RASGRP3: variants seen among roughly 807,000 people sequenced by gnomAD.
The protein encoded by RASGRP3 is ras guanyl-releasing protein 3.
Under a neutral mutation model 82.7 loss-of-function variants are expected in RASGRP3, and 54 were observed. The observed-to-expected ratio is 0.65, with a 90% CI of 0.52 to 0.82. RASGRP3 has a LOEUF of 0.82. Among genes scored for constraint, RASGRP3 ranks in the 40% least tolerant of loss-of-function variants. The probability of loss-of-function intolerance (pLI) is 0.00; values close to 1 mark genes in which losing one functional copy is unlikely to be tolerated. For synonymous variants in RASGRP3, 309 were observed against 300.5 expected (o/e 1.03, Z -0.29); for missense variants, 861 against 828.9 (o/e 1.04, Z -0.48).
intron 2 of RASGRP3, among the ~76,000 whole-genome samples, chr2:33,450,802 CTTTTTCTCTTTCTTTCTTTCTTTTTT>C (rs1665743473): frequency 1.7e-5 from 1 of 58,782 alleles, no homozygotes; most frequent in Non-Finnish European, 4.0e-5. Flanking sequence ...TCTTTTCTTT[CTTTTTCTCTTTCTTTCTTTCTTTTTT>C]TTTTTTTTTT....
intron 1 of RASGRP3, among the ~76,000 whole-genome samples, chr2:33,446,137 T>C (rs1001173568): frequency 1.2e-4 from 18 of 152,112 alleles, no homozygotes; most frequent in African/African-American, 4.1e-4. Context: ...GGTTCCCAAA[T>C]AGGGTAATTT....
chr2:33,477,868 G>T (rs1667522041), intron 1 of RASGRP3, among the ~76,000 whole-genome samples: 1 of 152,190 alleles, frequency 6.6e-6, no homozygotes, highest in Non-Finnish European at 1.5e-5. Flanking sequence ...GCAGAGAGGG[G>T]CTGTTTTTAT....
chr2:33,526,408 C>T (rs2151034308), intron 9 of RASGRP3, among the ~76,000 whole-genome samples: 1 of 152,300 alleles, frequency 6.6e-6, no homozygotes, highest in Non-Finnish European at 1.5e-5. Context: ...CGTTGTTTGA[C>T]CTCAAGCTCT....
upstream of RASGRP3, chr2:33,476,343 C>T (rs11124321): frequency 0.41 from 61,592 of 152,050 alleles, 12,803 homozygotes; most frequent in Admixed American, 0.49. Context: ...TCCCCCTCTG[C>T]GCACACACAC....
chr2:33,461,245 C>T (rs914876834), intron 2 of RASGRP3, among the ~76,000 whole-genome samples: 3 of 152,112 alleles, frequency 2.0e-5, no homozygotes, highest in African/African-American at 7.2e-5. Context: ...TAAATTAAAA[C>T]GTTAGGGAAA....
chr2:33,520,202 C>CAAGT (rs1671892080), intron 5 of RASGRP3, among the ~76,000 whole-genome samples, 188 bp downstream of exon 5: 1 of 152,104 alleles, frequency 6.6e-6, no homozygotes, highest in South Asian at 2.1e-4. Context: ...GACTAGAGAT[C>CAAGT]AAGTAGTAGT....
chr2:33,491,612 T>C (rs1021134332), intron 1 of RASGRP3, among the ~76,000 whole-genome samples: 6 of 152,226 alleles, frequency 3.9e-5, no homozygotes, highest in Non-Finnish European at 5.9e-5. Flanking sequence ...GCATGTATTA[T>C]CAGTTTCCTT....
At chr2:33,537,330 C>CCCCAACA (rs66749495) in intron 11 of RASGRP3, among the ~76,000 whole-genome samples, 16 of 95,712 alleles carry the variant, frequency 1.7e-4, no homozygotes, top group African/African-American at 7.3e-4. Flanking sequence ...ACCGCCCCCC[C>CCCCAACA]CACACACACA....
intron 2 of RASGRP3, among the ~76,000 whole-genome samples, chr2:33,514,606 A>G (rs1427880818): frequency 6.6e-6 from 1 of 151,154 alleles, no homozygotes; most frequent in Non-Finnish European, 1.5e-5. Flanking sequence ...AATTGCTTGA[A>G]CCCGGGAGGT....
intron 1 of RASGRP3, among the ~76,000 whole-genome samples, chr2:33,483,446 T>A (rs1434125961): frequency 6.6e-6 from 1 of 151,724 alleles, no homozygotes; most frequent in Non-Finnish European, 1.5e-5. Flanking sequence ...TGGAAAAAAA[T>A]TAAATTCATA....
intron 13 of RASGRP3, among the ~76,000 whole-genome samples, chr2:33,548,075 G>C (rs966806211): frequency 3.9e-5 from 6 of 152,168 alleles, no homozygotes; most frequent in Non-Finnish European, 8.8e-5. Flanking sequence ...AAAGAAGGTA[G>C]AGAGGGCTGG....
intron 1 of RASGRP3, among the ~76,000 whole-genome samples, chr2:33,477,180 T>C (rs558427153): frequency 2.6e-5 from 4 of 152,378 alleles, no homozygotes; most frequent in African/African-American, 9.6e-5. Flanking sequence ...ATGGCTGATT[T>C]GATTTTTCCT....
At chr2:33,442,510 C>T (rs528229711) in intron 1 of RASGRP3, among the ~76,000 whole-genome samples, 1 of 152,340 alleles carries the variant, frequency 6.6e-6, no homozygotes, top group African/African-American at 2.4e-5. Context: ...GTTCTGATTT[C>T]TTGCTGTCAT....
chr2:33,534,393 C>T lies in RASGRP3; in HGVS notation c.1154C>T (p.Ser385Phe). ...TCACTGGTGCTGGAGCCTAGAAATT[C>T]TAAATCGGTAGGTATTATTTTCTCT... ...KLSLVLEPRN[S>F]KSQPTSPTTP... The change falls in exon 11 of 18, where the codon TCT becomes TTT. Residue 385 changes from serine (S) to phenylalanine (F), a missense_variant. Transcript: ENST00000403687. The T allele has an allele frequency of 6.4e-7, 1 of 1,551,184 alleles. No homozygotes were observed. Among genetic ancestry groups the T allele is most frequent in the Non-Finnish European group, 8.9e-7 (1 of 1,126,952 alleles).
At chr2:33,445,739 C>T (rs1396253998) in intron 1 of RASGRP3, among the ~76,000 whole-genome samples, 2 of 151,846 alleles carry the variant, frequency 1.3e-5, no homozygotes, top group East Asian at 3.9e-4. Context: ...AATTATATCA[C>T]ATTAATATAT....
chr2:33,455,444 A>G lies in RASGRP3; in HGVS notation c.-261+7501A>G, dbSNP rs995672624. Among the ~76,000 whole-genome samples the G allele has an allele frequency of 5.3e-5, 8 of 152,350 alleles. No homozygotes were observed. The South Asian group carries it at 1.0e-3, about 20-fold the overall frequency. ...TCATCCCAGTGATCAGGATGGGATCACAAATTTGTAGATAACTGGGCTGGG... is the reference window on the plus strand; with the variant it reads ...TCATCCCAGTGATCAGGATGGGATCGCAAATTTGTAGATAACTGGGCTGGG... On this transcript the variant is annotated intron_variant, in intron 2 of 18. Coordinates refer to the RASGRP3 transcript ENST00000402538.
chr2:33,450,985 C>G (rs1202692641), intron 2 of RASGRP3, among the ~76,000 whole-genome samples: 1 of 151,034 alleles, frequency 6.6e-6, no homozygotes, highest in Non-Finnish European at 1.5e-5. Context: ...CTACAGGTGC[C>G]TGCCACCACG....
chr2:33,496,024 C>T (rs1364441742), intron 1 of RASGRP3, among the ~76,000 whole-genome samples: 1 of 152,186 alleles, frequency 6.6e-6, no homozygotes, highest in Non-Finnish European at 1.5e-5. Flanking sequence ...CAGATTTGTA[C>T]ATTTGCACAA....
intron 11 of RASGRP3, among the ~76,000 whole-genome samples, chr2:33,534,770 A>G (rs1673443092): frequency 6.9e-6 from 1 of 145,150 alleles, no homozygotes; most frequent in South Asian, 2.2e-4. Flanking sequence ...GTCTCGAACT[A>G]CTGACTTCAT....
Sources: allele counts gnomAD v4.1 joint callset (sites outside exome capture counted in the v4.1 genomes callset), GRCh38; gene constraint gnomAD v4.1.1; transcripts MANE v1.5; gene names NCBI Gene and HGNC (gene_info 2026-07-23, HGNC 2026-07-21).